DPY19L3: variants seen among roughly 807,000 people sequenced by gnomAD.
DPY19L3 encodes protein C-mannosyl-transferase DPY19L3.
In DPY19L3, 51 loss-of-function variants were observed where a neutral mutation model predicts 92.3. The ratio of observed to expected loss-of-function variants is 0.55; its 90% CI spans 0.44 to 0.70. The LOEUF (loss-of-function observed/expected upper bound fraction) is 0.70. Ranked by LOEUF, DPY19L3 falls within the 30% of genes least tolerant of loss-of-function variation. DPY19L3 has a pLI of 0.00. For missense variants in DPY19L3, 706 were observed against 855.9 expected, an observed-to-expected ratio of 0.82 and a Z score of 2.18; for synonymous variants, 309 against 315.2, an observed-to-expected ratio of 0.98 and a Z score of 0.21.
chr19:32,436,415 A>T, intron 4 of DPY19L3, 31 bp from the exon 5 acceptor site: 2 of 1,412,110 alleles, frequency 1.4e-6, no homozygotes, highest in Admixed American at 4.4e-5. Context: ...GAGTGTAATT[A>T]TTTTCTTCCT....
chr19:32,416,759 C>A, intron 3 of DPY19L3, among the ~76,000 whole-genome samples: 1 of 152,204 alleles, frequency 6.6e-6, no homozygotes, highest in East Asian at 1.9e-4. Context: ...GTGGAGCCAA[C>A]CAAAGAAGCT....
chr19:32,439,856 G>A lies in DPY19L3; in HGVS notation c.801G>A (p.Met267Ile), dbSNP rs770629770. The change falls in exon 8 of 19, where the codon ATG becomes ATA. Residue 267 changes from methionine to isoleucine, a missense_variant. Physicochemically the swap from Met to Ile is conservative, Grantham distance 10. Transcript: ENST00000392250. ...AATTTAATCAATTTATGATGCTGAT[G>A]CAAGCATTAGTGCTGTTCACACTGG... The part of the protein sequence containing the change: ...TWQFNQFMML[M>I]QALVLFTLDS... 1.4e-5 allele frequency: 22 copies of A among 1,613,936 alleles called. No homozygotes were observed. The highest frequency in any genetic ancestry group is 1.8e-5 in the Non-Finnish European group (21 of 1,179,856).
intron 10 of DPY19L3, among the ~76,000 whole-genome samples, chr19:32,455,559 A>G (rs1261458684): frequency 1.3e-5 from 2 of 152,172 alleles, no homozygotes; most frequent in Non-Finnish European, 2.9e-5. Context: ...GTACTGTGGT[A>G]CTTAAAAAAA....
rs1382661186 is a variant in DPY19L3, at chr19:32,483,304, T to C, written c.*1064T>C. 2 of 152,642 alleles carry C rather than the reference T, an allele frequency of 1.3e-5. No individual in the cohort carries two copies. Among genetic ancestry groups the C allele is most frequent in the African/African-American group, 4.8e-5 (2 of 41,454 alleles). 9.5% of individuals were successfully genotyped at this position (152,642 alleles called of 1,614,324 possible). On this transcript the variant is annotated 3_prime_UTR_variant, in exon 19 of 19. Transcript: ENST00000392250. ...CCTGGTAGTGTAATTCTTTTCCTTA[T>C]TAAAAGGTAACCAAGTGCCTCTAAG...
intron 3 of DPY19L3, among the ~76,000 whole-genome samples, chr19:32,424,262 G>A (rs1290180126): frequency 3.3e-5 from 5 of 151,540 alleles, no homozygotes; most frequent in Non-Finnish European, 5.9e-5. Flanking sequence ...CAAGGCTGCA[G>A]TGAGCTGTGA....
intron 1 of DPY19L3, 67 bp from the exon 2 acceptor site, chr19:32,408,150 C>A: frequency 1.3e-6 from 1 of 773,440 alleles, no homozygotes; most frequent in Admixed American, 2.5e-5. Flanking sequence ...GGCATTTCAG[C>A]ATGGATGAGC....
chr19:32,442,744 C>A (rs990388953), intron 8 of DPY19L3, among the ~76,000 whole-genome samples: 8 of 152,174 alleles, frequency 5.3e-5, no homozygotes, highest in African/African-American at 1.9e-4. Flanking sequence ...AGAAAACTTT[C>A]AAACATTAAC....
In DPY19L3 at chr19:32,453,284, T is replaced by A. The variant is rs1969764822; in HGVS notation, c.987+8T>A. The stretch of plus-strand genomic sequence containing the variant: ...ATTGCAAGAAAACTTCAGGTAGGAC[T>A]TTTTTTTTGTCCTTTATCAAAGTAA... On this transcript the variant is annotated splice_region_variant and intron_variant, in intron 9 of 18. Coordinates refer to ENST00000392250, the MANE Select transcript of DPY19L3 (RefSeq NM_001172774.2). 4 of 1,527,450 alleles carry A rather than the reference T, an allele frequency of 2.6e-6. No homozygotes were observed. In the African/African-American group the frequency reaches 4.2e-5, roughly 16 times the overall value. The allele number at this position is 1,527,450 out of a possible 1,614,324, so 94.6% of individuals were successfully genotyped here. A position where few individuals can be genotyped will look rare whatever the true frequency, so the allele number is the denominator to read the frequency against.
chr19:32,446,158 TGTCTA>T, intron 8 of DPY19L3, among the ~76,000 whole-genome samples: 1 of 152,308 alleles, frequency 6.6e-6, no homozygotes, highest in East Asian at 1.9e-4. Context: ...ACAGTTAAAA[TGTCTA>T]TACCACTAGT....
At chr19:32,428,405 C>CT (rs1968841557) in intron 3 of DPY19L3, among the ~76,000 whole-genome samples, 1 of 151,920 alleles carries the variant, frequency 6.6e-6, no homozygotes, top group African/African-American at 2.4e-5. Context: ...GCAATGAGGT[C>CT]TTGCAGTGGT....
At chr19:32,459,898 G>A (rs1020957160) in intron 12 of DPY19L3, among the ~76,000 whole-genome samples, 3 of 152,162 alleles carry the variant, frequency 2.0e-5, no homozygotes, top group African/African-American at 7.2e-5. Flanking sequence ...TCTGAGAAAT[G>A]CATATTAGGC....
intron 12 of DPY19L3, among the ~76,000 whole-genome samples, chr19:32,462,465 C>T (rs976616791): frequency 2.6e-5 from 4 of 152,084 alleles, no homozygotes; most frequent in African/African-American, 9.7e-5. Flanking sequence ...GTGAATCCAC[C>T]GATAAGAGGG....
rs1001767911 is a variant in DPY19L3, at chr19:32,485,510, A to C, written c.*3270A>C. ...CTTTATTTCACAGTTAACTAAAAGTAAAAATGTCTATTCTGATTCCATATT... is the reference window on the plus strand; with the variant it reads ...CTTTATTTCACAGTTAACTAAAAGTCAAAATGTCTATTCTGATTCCATATT... On this transcript the variant is annotated 3_prime_UTR_variant, in exon 19 of 19. Transcript: ENST00000392250. 1 of 152,252 alleles carries C rather than the reference A, an allele frequency of 6.6e-6. No individual in the cohort carries two copies. Among genetic ancestry groups the C allele is most frequent in the South Asian group, 2.1e-4 (1 of 4,836 alleles). 9.4% of individuals were successfully genotyped at this position (152,252 alleles called of 1,614,324 possible).
chr19:32,455,161 C>A, intron 10 of DPY19L3, 121 bp downstream of exon 10: 3 of 671,458 alleles, frequency 4.5e-6, no homozygotes, highest in Non-Finnish European at 4.7e-6. Context: ...AGGGTCTTGC[C>A]GTTTCCTAGG....
chr19:32,420,373 C>T (rs1031979766), intron 3 of DPY19L3, among the ~76,000 whole-genome samples: 4 of 151,986 alleles, frequency 2.6e-5, no homozygotes, highest in Admixed American at 6.6e-5. Context: ...TTCAAGGATA[C>T]GATATGGTTA....
chr19:32,471,326 C>T (rs1409620792), intron 16 of DPY19L3, among the ~76,000 whole-genome samples: 2 of 152,246 alleles, frequency 1.3e-5, no homozygotes, highest in Non-Finnish European at 2.9e-5. Context: ...TTCCTGTCTG[C>T]CCTGTTCCCA....
intron 8 of DPY19L3, among the ~76,000 whole-genome samples, chr19:32,445,921 G>A (rs1324557286): frequency 2.6e-5 from 4 of 152,014 alleles, no homozygotes; most frequent in Non-Finnish European, 5.9e-5. Context: ...GAATTGCTTT[G>A]AACCTAGGAG....
At chr19:32,413,692 C>T (rs1363262306) in intron 3 of DPY19L3, among the ~76,000 whole-genome samples, 1 of 148,738 alleles carries the variant, frequency 6.7e-6, no homozygotes, top group Non-Finnish European at 1.5e-5. Flanking sequence ...TTCTTCTTGT[C>T]AGAAGAATTT....
chr19:32,461,900 TC>T (rs1335342027), intron 12 of DPY19L3, among the ~76,000 whole-genome samples: 1 of 152,202 alleles, frequency 6.6e-6, no homozygotes, highest in Non-Finnish European at 1.5e-5. Flanking sequence ...AGTGTGTGCT[TC>T]CCGGTGTAAT....
Sources: gnomAD v4.1 joint callset for allele counts (sites outside exome capture counted in the v4.1 genomes callset) on GRCh38, gnomAD v4.1.1 for gene constraint, MANE v1.5 for transcripts, NCBI Gene and HGNC (gene_info 2026-07-23, HGNC 2026-07-21) for gene names.